Variants in CNTN4 observed in about 807,000 individuals in gnomAD.
CNTN4 encodes contactin-4.
A neutral mutation model predicts 122.5 loss-of-function variants in CNTN4; 77 were observed. The ratio of observed to expected loss-of-function variants is 0.63; its 90% CI spans 0.52 to 0.76. CNTN4 has a LOEUF of 0.76. CNTN4 is among the 30% of genes least tolerant of loss of function. The pLI, the probability that CNTN4 is intolerant of heterozygous loss-of-function variation, is 0.00. For missense variants in CNTN4, 1,256 were observed against 1,259.1 expected, an observed-to-expected ratio of 1.00 and a Z score of 0.04; for synonymous variants, 512 against 447.0, an observed-to-expected ratio of 1.15 and a Z score of -1.83.
chr3:2,285,539 A>G (rs539855431), intron 2 of CNTN4, among the ~76,000 whole-genome samples: 13 of 152,216 alleles, frequency 8.5e-5, no homozygotes, highest in African/African-American at 2.9e-4. Context: ...CTATGATTTT[A>G]AAAACTAGCT....
intron 23 of CNTN4, among the ~76,000 whole-genome samples, chr3:3,048,231 G>A (rs371209218): frequency 6.6e-6 from 1 of 150,862 alleles, no homozygotes; most frequent in African/African-American, 2.4e-5. Flanking sequence ...AAATATTCAG[G>A]AAAAAAAACA....
chr3:2,188,734 T>A (rs1651145082), intron 2 of CNTN4, among the ~76,000 whole-genome samples: 1 of 152,112 alleles, frequency 6.6e-6, no homozygotes, highest in Non-Finnish European at 1.5e-5. Flanking sequence ...TGCTGGGCCT[T>A]GGGGTGGGAA....
intron 8 of CNTN4, among the ~76,000 whole-genome samples, chr3:2,867,469 A>G (rs373059433): frequency 3.3e-5 from 5 of 152,228 alleles, no homozygotes; most frequent in Non-Finnish European, 4.4e-5. Flanking sequence ...AAATTCATAT[A>G]TTCTTAATTA....
At chr3:2,779,270 T>G (rs1463291868) in intron 6 of CNTN4, among the ~76,000 whole-genome samples, 1 of 151,308 alleles carries the variant, frequency 6.6e-6, no homozygotes, top group African/African-American at 2.4e-5. Context: ...TGTTTGTTTG[T>G]TTTTGTTGGT....
intron 2 of CNTN4, among the ~76,000 whole-genome samples, chr3:2,336,050 G>C (rs889149670): frequency 2.6e-5 from 4 of 152,094 alleles, no homozygotes; most frequent in Admixed American, 2.6e-4. Context: ...GGGGTAAGCC[G>C]AACAGTGATA....
intron 2 of CNTN4, among the ~76,000 whole-genome samples, chr3:2,330,710 A>G (rs950937776): frequency 1.3e-5 from 2 of 152,182 alleles, no homozygotes; most frequent in African/African-American, 4.8e-5. Flanking sequence ...TCTGGACTCA[A>G]TCATTACTCT....
intron 6 of CNTN4, among the ~76,000 whole-genome samples, chr3:2,818,668 T>C (rs2092795211): frequency 2.6e-5 from 4 of 152,224 alleles, no homozygotes; most frequent in Non-Finnish European, 4.4e-5. Context: ...ATTAGACATA[T>C]TTCTTATATT....
chr3:2,206,552 A>G (rs891210563), intron 2 of CNTN4, among the ~76,000 whole-genome samples: 2 of 152,078 alleles, frequency 1.3e-5, no homozygotes, highest in African/African-American at 2.4e-5. Flanking sequence ...TTTGAACAAT[A>G]TTTGCACTTG....
At chr3:2,926,611 C>T (rs539937856) in intron 13 of CNTN4, among the ~76,000 whole-genome samples, 15 of 152,200 alleles carry the variant, frequency 9.9e-5, no homozygotes, top group Middle Eastern at 3.4e-3. Context: ...TTAATTAATG[C>T]TAAAGGTCAG....
chr3:2,384,788 G>GTA (rs1491507044), intron 3 of CNTN4, among the ~76,000 whole-genome samples: 1 of 150,476 alleles, frequency 6.6e-6, no homozygotes, highest in Non-Finnish European at 1.5e-5. Flanking sequence ...GTGTGTGTGT[G>GTA]TTCATGTTAC....
chr3:2,381,272 C>T (rs751807590), intron 3 of CNTN4, among the ~76,000 whole-genome samples: 3 of 152,172 alleles, frequency 2.0e-5, no homozygotes, highest in Non-Finnish European at 4.4e-5. Context: ...TCCCAAAGTG[C>T]TGGGATTACA....
At chr3:2,691,001 A>G (rs963653556) in intron 4 of CNTN4, among the ~76,000 whole-genome samples, 4 of 152,222 alleles carry the variant, frequency 2.6e-5, no homozygotes, top group Non-Finnish European at 5.9e-5. Flanking sequence ...AGTATAGGGA[A>G]GACCACGTGA....
intron 13 of CNTN4, among the ~76,000 whole-genome samples, chr3:2,954,681 G>A (rs2094780509): frequency 6.6e-6 from 1 of 151,766 alleles, no homozygotes; most frequent in African/African-American, 2.4e-5. Flanking sequence ...AAGACCTACA[G>A]CTTTAGTGCA....
At chr3:2,872,366 G>C (rs1171107231) in intron 8 of CNTN4, among the ~76,000 whole-genome samples, 5 of 152,080 alleles carry the variant, frequency 3.3e-5, no homozygotes, top group Non-Finnish European at 7.4e-5. Context: ...TACACACACA[G>C]GGAAATCATT....
intron 4 of CNTN4, among the ~76,000 whole-genome samples, chr3:2,724,724 T>C (rs776751762): frequency 6.6e-6 from 1 of 152,198 alleles, no homozygotes. Context: ...TTGGGCAGTT[T>C]AATGTCAGTG....
At chr3:2,295,143 G>T (rs36152696) in intron 2 of CNTN4, among the ~76,000 whole-genome samples, 48,832 of 130,546 alleles carry the variant, frequency 0.37, 10,103 homozygotes, top group East Asian at 0.61. Context: ...AACATACATG[G>T]GCTTGTGTCT....
In CNTN4 at chr3:2,353,253, C is replaced by G. The variant is rs111594470; in HGVS notation, c.-89+14020C>G. Among the ~76,000 whole-genome samples the G allele has an allele frequency of 2.0e-3, 299 of 152,196 alleles. 1 individual carries two copies. The highest frequency in any genetic ancestry group is 7.0e-3 in the African/African-American group (289 of 41,540). The stretch of plus-strand genomic sequence containing the variant: ...GACTGTAAATGCACCAATCAGCACT[C>G]TGTGTCTAGCTCAGGGATTGTAAAC... On this transcript the variant is annotated intron_variant, in intron 3 of 24. Coordinates refer to ENST00000418658, the MANE Select transcript of CNTN4 (RefSeq NM_175607.3).
chr3:2,657,114 T>G (rs2083625385), intron 4 of CNTN4, among the ~76,000 whole-genome samples: 1 of 152,188 alleles, frequency 6.6e-6, no homozygotes, highest in Non-Finnish European at 1.5e-5. Flanking sequence ...AATAAATACG[T>G]AGGTTAATGT....
At chr3:2,856,316 CA>C (rs2093617469) in intron 7 of CNTN4, among the ~76,000 whole-genome samples, 1 of 152,116 alleles carries the variant, frequency 6.6e-6, no homozygotes, top group Non-Finnish European at 1.5e-5. Flanking sequence ...AAAAAAGAAA[CA>C]AACACTTATT....
Sources: gnomAD v4.1 joint callset for allele counts (sites outside exome capture counted in the v4.1 genomes callset) on GRCh38, gnomAD v4.1.1 for gene constraint, MANE v1.5 for transcripts, NCBI Gene and HGNC (gene_info 2026-07-23, HGNC 2026-07-21) for gene names.